The following IGF2BP3 variants were observed in gnomAD, a reference collection of about 807,000 sequenced individuals.
IGF2BP3 encodes insulin like growth factor 2 mRNA binding protein 3, also known as insulin-like growth factor 2 mRNA-binding protein 3.
IGF2BP3 carries 9 observed loss-of-function variants against 73.8 expected under a neutral mutation model. The ratio of observed to expected loss-of-function variants is 0.12; its 90% CI spans 0.07 to 0.21. The LOEUF is 0.21. Ranked by LOEUF, IGF2BP3 falls within the 10% of genes least tolerant of loss-of-function variation. The pLI, the probability that IGF2BP3 is intolerant of heterozygous loss-of-function variation, is 1.00. For synonymous variants in IGF2BP3, 258 were observed against 256.7 expected, an observed-to-expected ratio of 1.01 and a Z score of -0.05; for missense variants, 542 against 714.0, an observed-to-expected ratio of 0.76 and a Z score of 2.75.
At chr7:23,456,107 A>G (rs1788310804) in intron 2 of IGF2BP3, among the ~76,000 whole-genome samples, 1 of 152,196 alleles carries the variant, frequency 6.6e-6, no homozygotes, top group South Asian at 2.1e-4. Flanking sequence ...CAGAAACTCA[A>G]AAAAATGCAA....
chr7:23,366,618 G>A (rs380250), intron 3 of IGF2BP3, among the ~76,000 whole-genome samples: 2 of 149,486 alleles, frequency 1.3e-5, no homozygotes, highest in Admixed American at 6.7e-5. Flanking sequence ...AATAGGTGCA[G>A]AATCAATCTT....
Position 23,324,129 on chromosome 7 carries a change from G to A in IGF2BP3, c.1204-4875C>T, listed in dbSNP as rs568330918. On this transcript the variant is annotated intron_variant, in intron 10 of 14. Coordinates refer to ENST00000258729, the MANE Select transcript of IGF2BP3 (RefSeq NM_006547.3). ...ACCCTTGAAAAAATTAACGAATCCA[G>A]GAGCTGGTTTTTTGAAAGGATCAAC... Among the ~76,000 whole-genome samples, 14 of 152,162 alleles carry A rather than the reference G, an allele frequency of 9.2e-5. No homozygotes were observed. The South Asian group carries it at 2.5e-3, about 27-fold the overall frequency.
At chr7:23,327,641 G>A (rs1036017917) in intron 10 of IGF2BP3, among the ~76,000 whole-genome samples, 1 of 152,074 alleles carries the variant, frequency 6.6e-6, no homozygotes, top group Non-Finnish European at 1.5e-5. Context: ...AAAAATCTCA[G>A]GAACTAGGTA....
chr7:23,363,889 A>G (rs1457439231), intron 3 of IGF2BP3, among the ~76,000 whole-genome samples: 2 of 152,370 alleles, frequency 1.3e-5, no homozygotes, highest in East Asian at 3.9e-4. Flanking sequence ...AAAAATTAAG[A>G]AACCTCTCAC....
intron 2 of IGF2BP3, among the ~76,000 whole-genome samples, chr7:23,460,638 G>A (rs1468449137): frequency 3.9e-5 from 6 of 151,936 alleles, no homozygotes; most frequent in Non-Finnish European, 8.8e-5. Flanking sequence ...ATATACATAA[G>A]TACTCAGATA....
intron 2 of IGF2BP3, among the ~76,000 whole-genome samples, chr7:23,451,890 G>A (rs1016237983): frequency 6.7e-6 from 1 of 149,136 alleles, no homozygotes; most frequent in Non-Finnish European, 1.5e-5. Context: ...AGAGGCTGCA[G>A]TGAGCCAAGA....
intron 10 of IGF2BP3, among the ~76,000 whole-genome samples, chr7:23,324,340 C>G (rs1332281973): frequency 3.3e-5 from 5 of 151,718 alleles, no homozygotes; most frequent in Admixed American, 6.6e-5. Context: ...ATAAATTCCT[C>G]GACACATACA....
intron 2 of IGF2BP3, among the ~76,000 whole-genome samples, chr7:23,426,669 C>T (rs184598992): frequency 6.6e-6 from 1 of 152,278 alleles, no homozygotes; most frequent in East Asian, 1.9e-4. Flanking sequence ...CCTCTGTTCC[C>T]TATAAAGTTG....
intron 2 of IGF2BP3, among the ~76,000 whole-genome samples, chr7:23,438,885 C>A (rs371119097): frequency 1.3e-5 from 2 of 152,078 alleles, no homozygotes; most frequent in African/African-American, 4.8e-5. Flanking sequence ...AAAAATTTAA[C>A]GATTCTACTT....
At chr7:23,363,377 C>G (rs1036073557) in intron 3 of IGF2BP3, among the ~76,000 whole-genome samples, 2 of 152,052 alleles carry the variant, frequency 1.3e-5, no homozygotes, top group Admixed American at 6.6e-5. Flanking sequence ...TTCTGAGTAG[C>G]TGGCACTACA....
At chr7:23,404,798 C>G (rs1357507052) in intron 3 of IGF2BP3, among the ~76,000 whole-genome samples, 3 of 152,032 alleles carry the variant, frequency 2.0e-5, no homozygotes, top group African/African-American at 7.2e-5. Flanking sequence ...TGAGAAAACT[C>G]TTGCTTTTCT....
chr7:23,328,823 AAG>A (rs1784369780), intron 10 of IGF2BP3, among the ~76,000 whole-genome samples: 1 of 152,204 alleles, frequency 6.6e-6, no homozygotes, highest in Non-Finnish European at 1.5e-5. Flanking sequence ...CCAAATGCTC[AAG>A]AAGAATGACA....
At chr7:23,464,425 T>C (rs767984231) in intron 2 of IGF2BP3, among the ~76,000 whole-genome samples, 4 of 152,228 alleles carry the variant, frequency 2.6e-5, no homozygotes, top group Non-Finnish European at 5.9e-5. Flanking sequence ...TGGTGTTAAA[T>C]ACATTCATAG....
intron 2 of IGF2BP3, among the ~76,000 whole-genome samples, chr7:23,447,094 C>T (rs1788084308): frequency 6.6e-6 from 1 of 151,762 alleles, no homozygotes; most frequent in African/African-American, 2.4e-5. Context: ...ATCCCAGCTA[C>T]TTGGGAGGCT....
At chr7:23,370,705 T>C (rs761320111) in intron 3 of IGF2BP3, among the ~76,000 whole-genome samples, 5 of 151,210 alleles carry the variant, frequency 3.3e-5, no homozygotes, top group Non-Finnish European at 7.4e-5. Context: ...TAAGACAGAG[T>C]CTTGCTCTGT....
At chr7:23,324,747 G>A (rs1784247735) in intron 10 of IGF2BP3, among the ~76,000 whole-genome samples, 1 of 102,294 alleles carries the variant, frequency 9.8e-6, no homozygotes, top group African/African-American at 4.3e-5. Flanking sequence ...TTCATCCCTG[G>A]GATGCAAGGC....
At chr7:23,403,255 T>C (rs997632831) in intron 3 of IGF2BP3, among the ~76,000 whole-genome samples, 1 of 152,230 alleles carries the variant, frequency 6.6e-6, no homozygotes, top group African/African-American at 2.4e-5. Flanking sequence ...CTGTATATTA[T>C]TCCTGTCTCA....
At chr7:23,404,039 C>CA (rs1359174912) in intron 3 of IGF2BP3, among the ~76,000 whole-genome samples, 1 of 150,992 alleles carries the variant, frequency 6.6e-6, no homozygotes, top group Non-Finnish European at 1.5e-5. Context: ...CTCAGGAGGC[C>CA]AAGGCAGGAG....
chr7:23,461,611 G>A (rs1359453872), intron 2 of IGF2BP3, among the ~76,000 whole-genome samples: 1 of 152,078 alleles, frequency 6.6e-6, no homozygotes, highest in Non-Finnish European at 1.5e-5. Flanking sequence ...AAATCCTGTT[G>A]GCTGTTCCTT....
Sources: gnomAD v4.1 joint callset for allele counts (sites outside exome capture counted in the v4.1 genomes callset) on GRCh38, gnomAD v4.1.1 for gene constraint, MANE v1.5 for transcripts, NCBI Gene and HGNC (gene_info 2026-07-23, HGNC 2026-07-21) for gene names.